The following SEC14L1 variants were observed in gnomAD, a reference collection of about 807,000 sequenced individuals.
SEC14L1 encodes the protein SEC14 like lipid binding 1, also known as SEC14-like protein 1.
A neutral mutation model predicts 85.3 loss-of-function variants in SEC14L1; 48 were observed. The ratio of observed to expected loss-of-function variants is 0.56; its 90% CI spans 0.45 to 0.72. SEC14L1 has a LOEUF of 0.72. Ranked by LOEUF, SEC14L1 falls within the 30% of genes least tolerant of loss-of-function variation. The pLI is 0.00. For synonymous variants in SEC14L1, 391 were observed against 355.5 expected (o/e 1.10, Z -1.12); for missense variants, 682 against 921.4 (o/e 0.74, Z 3.36).
Position 77,213,655 on chromosome 17 carries a change from T to G in SEC14L1, c.2042+163T>G. 1.1e-6 allele frequency: 1 copy of G among 899,332 alleles called. No individual in the cohort carries two copies. 55.7% of individuals were successfully genotyped at this position (899,332 alleles called of 1,614,324 possible). On this transcript the variant is annotated intron_variant, in intron 16 of 16. Transcript: ENST00000436233. This position sits in a 1 kb window ranked among gnomAD's most constrained non-coding sequence, Gnocchi z 7.1. ...TGGGGTCATTTGTTGGCACGGTGAC[T>G]CCCTGCCTGTCTGCAGAGGGAGAGT...
chr17:77,096,444 C>G (rs1971647494), intron 3 of SEC14L1, among the ~76,000 whole-genome samples: 1 of 151,814 alleles, frequency 6.6e-6, no homozygotes, highest in Admixed American at 6.6e-5. Context: ...ATAATCCCAG[C>G]TACTCGGGAG....
chr17:77,154,798 A>T (rs1370185002), intron 3 of SEC14L1, among the ~76,000 whole-genome samples: 2 of 152,186 alleles, frequency 1.3e-5, no homozygotes, highest in African/African-American at 2.4e-5. Flanking sequence ...TCAGTAGAAT[A>T]TCCGAGGTAC....
chr17:77,112,065 C>T (rs978599403), intron 3 of SEC14L1, among the ~76,000 whole-genome samples: 1 of 152,134 alleles, frequency 6.6e-6, no homozygotes, highest in Non-Finnish European at 1.5e-5. Flanking sequence ...TACTGCCAGG[C>T]TGTTCTCGTG....
At position 77,169,007 on chromosome 17, in the gene SEC14L1, C is replaced by CT. The variant is rs71160208; in HGVS notation, c.64-21766dup. 4.6e-4 allele frequency among the ~76,000 whole-genome samples: 36 copies of CT among 77,844 alleles called. 1 individual carries two copies. Among genetic ancestry groups the CT allele is most frequent in the African/African-American group, 7.2e-4 (14 of 19,562 alleles). The allele number at this position is 77,844 out of a possible 152,430, so 51.1% of individuals were successfully genotyped here. A position where few individuals can be genotyped will look rare whatever the true frequency, so the allele number is the denominator to read the frequency against. On this transcript the variant is annotated intron_variant, in intron 3 of 16. Transcript: ENST00000436233. ...GGGTCAAAAGACCCGTGAGGAGCAT[C>CT]TTTTTTTTTTTTTTTTTTTTTTTTT... is the stretch of plus-strand genomic sequence containing the variant.
intron 3 of SEC14L1, among the ~76,000 whole-genome samples, chr17:77,147,111 C>G (rs1006938184): frequency 1.3e-5 from 2 of 152,310 alleles, no homozygotes; most frequent in African/African-American, 4.8e-5. Context: ...CCGGCAGTGC[C>G]CGGCACGCAG....
At chr17:77,167,750 A>G (rs1393817960) in intron 3 of SEC14L1, among the ~76,000 whole-genome samples, 1 of 152,176 alleles carries the variant, frequency 6.6e-6, no homozygotes, top group African/African-American at 2.4e-5. Flanking sequence ...GGGAAGTTTT[A>G]TTGAGTGATG....
At chr17:77,117,821 A>G (rs1221068280) in intron 3 of SEC14L1, among the ~76,000 whole-genome samples, 2 of 152,216 alleles carry the variant, frequency 1.3e-5, no homozygotes, top group Non-Finnish European at 2.9e-5. Flanking sequence ...AAGGGAGACT[A>G]TGCAGAATGA....
At chr17:77,178,803 G>C (rs1974873488) in intron 3 of SEC14L1, among the ~76,000 whole-genome samples, 2 of 152,222 alleles carry the variant, frequency 1.3e-5, no homozygotes, top group Admixed American at 6.5e-5. Flanking sequence ...CACGCCGGCA[G>C]CGTGGCCACG....
At chr17:77,136,343 T>C (rs531724515), upstream of SEC14L1, among the ~76,000 whole-genome samples, 8 of 127,428 alleles carry the variant, frequency 6.3e-5, no homozygotes, top group African/African-American at 1.7e-4. Flanking sequence ...CTCCCTTCCT[T>C]CCTTTCTCTT....
rs763774162 is a variant in SEC14L1, at chr17:77,196,272, T to C, written c.780T>C (p.Ile260=). The part of the protein sequence containing the change: ...DLTPLQESCL[I]RLRQWLQETH... ...CTCCGCTGCAGGAGAGCTGCCTCAT[T>C]AGACTTCGCCAGTGGCTCCAGGAGA... Residue 260 remains isoleucine, a synonymous_variant, in exon 8 of 17, where the codon ATT becomes ATC. Coordinates refer to ENST00000436233, the MANE Select transcript of SEC14L1 (RefSeq NM_001143998.2). The C allele has an allele frequency of 6.2e-7, 1 of 1,614,090 alleles. No homozygotes were observed. The highest frequency in any genetic ancestry group is 8.5e-7 in the Non-Finnish European group (1 of 1,179,968).
chr17:77,200,250 GC>G (rs1420312265), intron 8 of SEC14L1, among the ~76,000 whole-genome samples: 1 of 151,960 alleles, frequency 6.6e-6, no homozygotes, highest in African/African-American at 2.4e-5. Flanking sequence ...GCTCGCTGCA[GC>G]CTCCACCTCC....
rs763767954 is a variant in SEC14L1, at chr17:77,161,712, C to CTTTTT, written c.63+18073_63+18077dup. Among the ~76,000 whole-genome samples the CTTTTT allele has an allele frequency of 2.0e-3, 210 of 103,044 alleles. 4 individuals carry two copies. Among genetic ancestry groups the CTTTTT allele is most frequent in the Middle Eastern group, 6.0e-3 (1 of 166 alleles). 67.6% of individuals were successfully genotyped at this position (103,044 alleles called of 152,430 possible). A position where few individuals can be genotyped will look rare whatever the true frequency, so the allele number is the denominator to read the frequency against. On this transcript the variant is annotated intron_variant, in intron 3 of 16. Coordinates refer to ENST00000436233, the MANE Select transcript of SEC14L1 (RefSeq NM_001143998.2). ...AATCAGCTGGGTCCTTAAATTGGTT[C>CTTTTT]TTTTTTTTTTTTTTTTTTTTTTTTA...
In SEC14L1 at chr17:77,158,798, C is replaced by CTTTTTTTTTTTTTTTTTTTTTTT. The variant is rs34186028; in HGVS notation, c.63+15150_63+15172dup. Among the ~76,000 whole-genome samples, 14 of 39,240 alleles carry CTTTTTTTTTTTTTTTTTTTTTTT rather than the reference C, an allele frequency of 3.6e-4. 4 individuals are homozygous for CTTTTTTTTTTTTTTTTTTTTTTT. Among genetic ancestry groups the CTTTTTTTTTTTTTTTTTTTTTTT allele is most frequent in the Admixed American group, 1.1e-3 (3 of 2,642 alleles). 25.7% of individuals were successfully genotyped at this position (39,240 alleles called of 152,430 possible). A position where few individuals can be genotyped will look rare whatever the true frequency, so the allele number is the denominator to read the frequency against. On this transcript the variant is annotated intron_variant, in intron 3 of 16. Coordinates refer to ENST00000436233, the MANE Select transcript of SEC14L1 (RefSeq NM_001143998.2). ...CAATTACATTTTATAGCTTTCTTTCCTTTTTTTTTTTTTTTTTTTTTTTTT... is the reference window on the plus strand; with the variant it reads ...CAATTACATTTTATAGCTTTCTTTCCTTTTTTTTTTTTTTTTTTTTTTTTTTTTTTTTTTTTTTTTTTTTTTTT...
At chr17:77,091,351 G>T (rs563530387) in intron 2 of SEC14L1, among the ~76,000 whole-genome samples, 1 of 152,302 alleles carries the variant, frequency 6.6e-6, no homozygotes, top group Non-Finnish European at 1.5e-5. Context: ...GCCTCCCAAA[G>T]TGCTGGGATT....
At chr17:77,193,773 G>T (rs762623438) in intron 6 of SEC14L1, among the ~76,000 whole-genome samples, 9 of 152,218 alleles carry the variant, frequency 5.9e-5, no homozygotes, top group Non-Finnish European at 1.2e-4. Flanking sequence ...GGCACTGTCT[G>T]CCTGGAGTTG....
chr17:77,139,195 T>C (rs2143481442), upstream of SEC14L1, among the ~76,000 whole-genome samples: 1 of 148,792 alleles, frequency 6.7e-6, no homozygotes, highest in African/African-American at 2.5e-5. Flanking sequence ...ACACGGAGTC[T>C]TGCTGGAGTC....
intron 3 of SEC14L1, among the ~76,000 whole-genome samples, chr17:77,106,051 A>C (rs1971906733): frequency 6.6e-6 from 1 of 151,696 alleles, no homozygotes; most frequent in African/African-American, 2.4e-5. Flanking sequence ...GCCACGAATC[A>C]AGGAAATCAC....
chr17:77,194,900 G>A lies in SEC14L1; in HGVS notation c.698G>A (p.Gly233Asp), dbSNP rs1371551132. 3.7e-6 allele frequency: 6 copies of A among 1,613,746 alleles called. No homozygotes were observed. The highest frequency in any genetic ancestry group is 5.1e-6 in the Non-Finnish European group (6 of 1,179,648). ...SSPSAPEPVV[G>D]TPDDKLDADY... ...CCCAGCGCACCTGAGCCCGTGGTGG[G>A]CACCCCTGACGGTGGGTCTGGCAGG... Residue 233 changes from glycine (G) to aspartate (D), a missense_variant, in exon 7 of 17, where the codon GGC (glycine) becomes GAC (aspartate). By Grantham distance (94) the Gly-to-Asp change is moderately conservative. This residue lies in a region of SEC14L1 where 123 missense variants were observed against 100.6 expected (regional missense o/e 1.22). Coordinates refer to ENST00000436233, the MANE Select transcript of SEC14L1 (RefSeq NM_001143998.2).
At chr17:77,175,303 C>G (rs1185651825) in intron 3 of SEC14L1, among the ~76,000 whole-genome samples, 3 of 152,216 alleles carry the variant, frequency 2.0e-5, no homozygotes, top group Non-Finnish European at 2.9e-5. Flanking sequence ...CCAGCAGATT[C>G]ACACCCAAAG....
Sources: gnomAD v4.1 joint callset for allele counts (sites outside exome capture counted in the v4.1 genomes callset) on GRCh38, gnomAD v4.1.1 for gene constraint, gnomAD v4.1.1 regional missense constraint, Gnocchi (gnomAD v3.1) non-coding constraint, MANE v1.5 for transcripts, NCBI Gene and HGNC (gene_info 2026-07-23, HGNC 2026-07-21) for gene names.